Variants in CSMD1 observed in about 807,000 individuals in gnomAD.
The protein encoded by CSMD1 is CUB and Sushi multiple domains 1, also known as CUB and sushi domain-containing protein 1.
Under a neutral mutation model 417.5 loss-of-function variants are expected in CSMD1, and 213 were observed. The observed-to-expected ratio is 0.51, with a 90% confidence interval of 0.46 to 0.57. CSMD1 has a LOEUF of 0.57. CSMD1 is among the 20% of genes least tolerant of loss of function. The pLI is 0.00. For missense variants in CSMD1, 6,923 were observed against 4,529.7 expected (o/e 1.53, Z -15.17); for synonymous variants, 2,862 against 1,736.8 (o/e 1.65, Z -16.11).
rs34204505 is a variant in CSMD1, at chr8:3,543,297, A to C, written c.1344+31648T>G. Among the ~76,000 whole-genome samples the C allele has an allele frequency of 6.6e-5, 10 of 152,122 alleles. 1 individual carries two copies. The highest frequency in any genetic ancestry group is 3.3e-4 in the Admixed American group (5 of 15,274). On this transcript the variant is annotated intron_variant, in intron 10 of 69. Coordinates refer to ENST00000635120, the MANE Select transcript of CSMD1 (RefSeq NM_033225.6). ...AGAGGACATCGGAGAACATTATTAG[A>C]ATAATTTATGTTTTTAGGGAGTGAG...
intron 1 of CSMD1, among the ~76,000 whole-genome samples, chr8:4,704,409 G>A (rs1807786268): frequency 6.6e-6 from 1 of 152,136 alleles, no homozygotes; most frequent in African/African-American, 2.4e-5. Context: ...CTTATCTATT[G>A]TTTATGTGGT....
intron 50 of CSMD1, among the ~76,000 whole-genome samples, chr8:3,033,696 C>T (rs749063893): frequency 3.3e-5 from 5 of 152,132 alleles, no homozygotes; most frequent in Admixed American, 6.5e-5. Flanking sequence ...CAGCAAACCA[C>T]CATGGCACAT....
At chr8:4,874,303 C>A (rs542408374) in intron 1 of CSMD1, among the ~76,000 whole-genome samples, 5 of 151,488 alleles carry the variant, frequency 3.3e-5, no homozygotes, top group African/African-American at 7.3e-5. Context: ...TTCTATTTAT[C>A]AATTAGTTTA....
At chr8:3,948,233 CAA>C (rs963210143) in intron 5 of CSMD1, among the ~76,000 whole-genome samples, 1 of 151,954 alleles carries the variant, frequency 6.6e-6, no homozygotes, top group African/African-American at 2.4e-5. Flanking sequence ...ATAATAACAA[CAA>C]GTGTCGCAGA....
intron 1 of CSMD1, among the ~76,000 whole-genome samples, chr8:4,653,168 T>C (rs919972308): frequency 6.6e-6 from 1 of 152,036 alleles, no homozygotes; most frequent in Non-Finnish European, 1.5e-5. Context: ...CTCTTAGGTG[T>C]TGAGTGATCT....
intron 1 of CSMD1, among the ~76,000 whole-genome samples, chr8:4,988,813 G>A (rs1052983018): frequency 6.6e-6 from 1 of 152,194 alleles, no homozygotes; most frequent in African/African-American, 2.4e-5. Context: ...ATCCAAAGAG[G>A]TTGATCTGCT....
At chr8:3,814,001 C>G (rs1326774479) in intron 5 of CSMD1, among the ~76,000 whole-genome samples, 1 of 152,134 alleles carries the variant, frequency 6.6e-6, no homozygotes, top group East Asian at 1.9e-4. Flanking sequence ...GAGAACCGTT[C>G]AACAGATTAA....
chr8:3,752,934 G>A (rs1797434038), intron 6 of CSMD1, among the ~76,000 whole-genome samples: 1 of 152,128 alleles, frequency 6.6e-6, no homozygotes, highest in South Asian at 2.1e-4. Context: ...CAGATATTTA[G>A]ACCAGTTTGT....
At chr8:4,414,112 C>A (rs529509558) in intron 3 of CSMD1, among the ~76,000 whole-genome samples, 1 of 152,144 alleles carries the variant, frequency 6.6e-6, no homozygotes, top group Admixed American at 6.6e-5. Flanking sequence ...TGGGTTATCA[C>A]TTCAAGGGAG....
intron 2 of CSMD1, among the ~76,000 whole-genome samples, chr8:4,627,486 G>A (rs184571830): frequency 6.6e-6 from 1 of 152,124 alleles, no homozygotes; most frequent in Non-Finnish European, 1.5e-5. Context: ...ACTGATTCTT[G>A]ACACTTTCTT....
At chr8:4,171,042 C>G (rs1797736162) in intron 3 of CSMD1, among the ~76,000 whole-genome samples, 1 of 151,880 alleles carries the variant, frequency 6.6e-6, no homozygotes, top group Non-Finnish European at 1.5e-5. Context: ...ATGCACCGAT[C>G]TCTCCATCCT....
chr8:4,054,210 G>C (rs887095368), intron 3 of CSMD1, among the ~76,000 whole-genome samples: 4 of 152,136 alleles, frequency 2.6e-5, no homozygotes, highest in Admixed American at 6.5e-5. Flanking sequence ...GAAATGATTT[G>C]GCGCCACCTC....
At chr8:3,102,062 A>G (rs1035601702) in intron 46 of CSMD1, among the ~76,000 whole-genome samples, 2 of 152,106 alleles carry the variant, frequency 1.3e-5, no homozygotes, top group African/African-American at 4.8e-5. Context: ...TCGGCCTCCA[A>G]AAGTGCTGGG....
intron 3 of CSMD1, among the ~76,000 whole-genome samples, chr8:4,037,307 G>A (rs1001998719): frequency 1.3e-5 from 2 of 152,070 alleles, no homozygotes; most frequent in African/African-American, 2.4e-5. Context: ...ACATTGTTTT[G>A]CTTAGAGCCA....
chr8:4,038,725 AT>A (rs1797740871), intron 3 of CSMD1, among the ~76,000 whole-genome samples: 2 of 152,188 alleles, frequency 1.3e-5, no homozygotes, highest in Non-Finnish European at 2.9e-5. Context: ...TATTTAGGTG[AT>A]GGGAATTCTG....
intron 2 of CSMD1, among the ~76,000 whole-genome samples, chr8:4,435,756 A>G (rs114502480): frequency 1.7e-4 from 26 of 152,244 alleles, no homozygotes; most frequent in African/African-American, 4.6e-4. Flanking sequence ...GGCTACAATA[A>G]AAAGTACCAT....
At chr8:3,808,924 C>G (rs1800904606) in intron 5 of CSMD1, among the ~76,000 whole-genome samples, 1 of 152,120 alleles carries the variant, frequency 6.6e-6, no homozygotes, top group Non-Finnish European at 1.5e-5. Flanking sequence ...AGCCTCAATT[C>G]CGTGTTAGTG....
At position 3,029,563 on chromosome 8, in the gene CSMD1, T is replaced by A. The variant is rs376708237; in HGVS notation, c.7661-50A>T. 7 of 1,495,644 alleles carry A rather than the reference T, an allele frequency of 4.7e-6. No individual in the cohort carries two copies. In the Admixed American group the frequency reaches 6.1e-5, roughly 13 times the overall value. 92.6% of individuals were successfully genotyped at this position (1,495,644 alleles called of 1,614,324 possible). The stretch of plus-strand genomic sequence containing the variant: ...CATCATTTTTCTTTTTTGGAAAACA[T>A]CAGACCGTGCTTGCTTTGGATGGCA... On this transcript the variant is annotated intron_variant, in intron 50 of 69. Transcript: ENST00000635120.
intron 3 of CSMD1, among the ~76,000 whole-genome samples, chr8:4,287,439 G>C (rs147801955): frequency 6.6e-6 from 1 of 151,966 alleles, no homozygotes; most frequent in East Asian, 1.9e-4. Flanking sequence ...CCTTTCTTAC[G>C]TCCAATATTG....
Sources: allele counts gnomAD v4.1 joint callset (sites outside exome capture counted in the v4.1 genomes callset), GRCh38; gene constraint gnomAD v4.1.1; transcripts MANE v1.5; gene names NCBI Gene and HGNC (gene_info 2026-07-23, HGNC 2026-07-21).